The following NRXN1 variants were observed in gnomAD, a reference collection of about 807,000 sequenced individuals.
NRXN1 encodes neurexin-1.
A neutral mutation model predicts 150.9 loss-of-function variants in NRXN1; 39 were observed. The observed-to-expected ratio is 0.26, with a 90% confidence interval of 0.20 to 0.34. NRXN1 has a LOEUF of 0.34. Ranked by LOEUF, NRXN1 falls within the 10% of genes least tolerant of loss-of-function variation. The pLI is 1.00. For missense variants in NRXN1, 1,815 were observed against 1,949.9 expected (o/e 0.93, Z 1.30); for synonymous variants, 924 against 757.0 (o/e 1.22, Z -3.62).
intron 18 of NRXN1, among the ~76,000 whole-genome samples, chr2:50,096,465 C>G (rs770254648): frequency 1.3e-4 from 20 of 152,160 alleles, no homozygotes; most frequent in Non-Finnish European, 2.5e-4. Context: ...TCATTTCAAA[C>G]TCTTATTCTC....
At chr2:49,990,638 A>T (rs985746815) in intron 21 of NRXN1, among the ~76,000 whole-genome samples, 1 of 152,118 alleles carries the variant, frequency 6.6e-6, no homozygotes, top group Non-Finnish European at 1.5e-5. Flanking sequence ...AGACTTACTG[A>T]TAACATATCA....
At chr2:50,853,936 T>C (rs1453259916) in intron 5 of NRXN1, among the ~76,000 whole-genome samples, 2 of 152,074 alleles carry the variant, frequency 1.3e-5, no homozygotes, top group Admixed American at 6.6e-5. Flanking sequence ...TTTTTCCAAT[T>C]TCTATATTTT....
At chr2:51,001,758 T>C (rs62143014) in intron 2 of NRXN1, among the ~76,000 whole-genome samples, 19,889 of 151,918 alleles carry the variant, frequency 0.13, 1,443 homozygotes, top group Admixed American at 0.15. Flanking sequence ...GGGTTCAGGA[T>C]ATAATATCCC....
At chr2:50,421,672 A>G (rs988342004) in intron 17 of NRXN1, among the ~76,000 whole-genome samples, 7 of 152,156 alleles carry the variant, frequency 4.6e-5, no homozygotes, top group African/African-American at 1.7e-4. Flanking sequence ...GGATGACATC[A>G]CCCATATGCA....
intron 5 of NRXN1, among the ~76,000 whole-genome samples, chr2:50,750,006 C>A (rs1041233043): frequency 6.6e-6 from 1 of 152,020 alleles, no homozygotes; most frequent in Non-Finnish European, 1.5e-5. Context: ...ATCCTAACAT[C>A]GCTGACAACC....
intron 15 of NRXN1, among the ~76,000 whole-genome samples, chr2:50,491,517 G>A (rs1416650933): frequency 6.6e-6 from 1 of 152,126 alleles, no homozygotes; most frequent in Admixed American, 6.5e-5. Flanking sequence ...GGAAGGTTGA[G>A]GAGGAGATAA....
At chr2:49,972,312 C>T (rs1250543614) in intron 21 of NRXN1, among the ~76,000 whole-genome samples, 1 of 152,124 alleles carries the variant, frequency 6.6e-6, no homozygotes, top group Non-Finnish European at 1.5e-5. Context: ...AGAATTTGAA[C>T]TGGGTATTGG....
chr2:51,015,807 T>G (rs1410227321), intron 2 of NRXN1, among the ~76,000 whole-genome samples: 2 of 152,010 alleles, frequency 1.3e-5, no homozygotes, highest in Non-Finnish European at 2.9e-5. Context: ...AAAATATATG[T>G]AATGATATTA....
At chr2:50,992,363 G>T (rs1698657956) in intron 2 of NRXN1, among the ~76,000 whole-genome samples, 1 of 151,964 alleles carries the variant, frequency 6.6e-6, no homozygotes, top group African/African-American at 2.4e-5. Context: ...ATATTTGAAT[G>T]TAAATATTCT....
intron 2 of NRXN1, among the ~76,000 whole-genome samples, chr2:50,983,765 G>T (rs1348120929): frequency 6.6e-6 from 1 of 152,004 alleles, no homozygotes; most frequent in African/African-American, 2.4e-5. Flanking sequence ...CTGCCAGGAT[G>T]GATCTTGTCT....
chr2:50,884,591 C>T (rs1242725631), intron 5 of NRXN1, among the ~76,000 whole-genome samples: 1 of 151,508 alleles, frequency 6.6e-6, no homozygotes, highest in African/African-American at 2.4e-5. Context: ...ATTGTAGCTT[C>T]GTAGGAGATA....
At chr2:50,964,259 A>C (rs1233692624) in intron 2 of NRXN1, among the ~76,000 whole-genome samples, 1 of 151,518 alleles carries the variant, frequency 6.6e-6, no homozygotes, top group African/African-American at 2.4e-5. Context: ...AAAGTCAAGT[A>C]GTATTTTATT....
chr2:50,516,338 T>C (rs2092630464), intron 12 of NRXN1, among the ~76,000 whole-genome samples: 1 of 152,198 alleles, frequency 6.6e-6, no homozygotes, highest in African/African-American at 2.4e-5. Context: ...ATAAGTTGTA[T>C]GCTGTTGAAG....
chr2:50,968,039 T>C (rs1694379650), intron 2 of NRXN1, among the ~76,000 whole-genome samples: 1 of 151,976 alleles, frequency 6.6e-6, no homozygotes, highest in African/African-American at 2.4e-5. Context: ...AAGGACTAGA[T>C]TAGAAATTTA....
intron 18 of NRXN1, among the ~76,000 whole-genome samples, chr2:50,216,724 T>A (rs925312394): frequency 6.6e-6 from 1 of 152,002 alleles, no homozygotes; most frequent in Non-Finnish European, 1.5e-5. Context: ...TTTCTGCATA[T>A]GCTAGTTGGG....
At chr2:50,155,461 A>G (rs2058960851) in intron 18 of NRXN1, among the ~76,000 whole-genome samples, 1 of 151,560 alleles carries the variant, frequency 6.6e-6, no homozygotes, top group African/African-American at 2.4e-5. Context: ...GGGACGAATT[A>G]TGATAATTTA....
At chr2:50,157,458 T>C (rs1015019448) in intron 18 of NRXN1, among the ~76,000 whole-genome samples, 8 of 152,122 alleles carry the variant, frequency 5.3e-5, no homozygotes, top group African/African-American at 1.9e-4. Context: ...ACGTATTTTA[T>C]TCATGAGCCA....
intron 12 of NRXN1, among the ~76,000 whole-genome samples, 173 bp downstream of exon 12, chr2:50,528,452 C>G (rs1238816463): frequency 1.3e-5 from 2 of 152,070 alleles, no homozygotes; most frequent in African/African-American, 4.8e-5. Context: ...AAGTCTTCAG[C>G]TGTACAAATT....
intron 17 of NRXN1, among the ~76,000 whole-genome samples, chr2:50,349,509 T>C (rs538811738): frequency 1.3e-5 from 2 of 152,234 alleles, no homozygotes; most frequent in Non-Finnish European, 2.9e-5. Context: ...CATTTCATAG[T>C]GTTAGCATGG....
Sources: allele counts gnomAD v4.1 joint callset (sites outside exome capture counted in the v4.1 genomes callset), GRCh38; gene constraint gnomAD v4.1.1; transcripts MANE v1.5; gene names NCBI Gene and HGNC (gene_info 2026-07-23, HGNC 2026-07-21).